Variants in TSPYL2 observed in about 807,000 individuals in gnomAD.
The protein encoded by TSPYL2 is testis-specific Y-encoded-like protein 2.
Under a neutral mutation model 33.0 loss-of-function variants are expected in TSPYL2, and 9 were observed. The observed-to-expected ratio is 0.27, with a 90% CI of 0.16 to 0.48. TSPYL2 has a LOEUF of 0.48. Ranked by LOEUF, TSPYL2 falls within the 20% of genes least tolerant of loss-of-function variation. The probability of loss-of-function intolerance (pLI) is 0.99; values close to 1 mark genes in which losing one functional copy is unlikely to be tolerated. For missense variants in TSPYL2, 636 were observed against 586.2 expected (o/e 1.08, Z -0.88); for synonymous variants, 330 against 233.6 (o/e 1.41, Z -3.77).
chrX:53,082,412 C>T lies in TSPYL2; in HGVS notation c.-87C>T. ...GCTGGTTGCGTGAGTCTCCTCAGCT[C>T]TGCTTACCGGTGCGACTAGCGGCAG... On this transcript the variant is annotated 5_prime_UTR_variant, in exon 1 of 7. Coordinates refer to ENST00000375442, the MANE Select transcript of TSPYL2 (RefSeq NM_022117.4). 3.1e-6 allele frequency: 3 copies of T among 959,905 alleles called. No individual in the cohort carries two copies. Among genetic ancestry groups the T allele is most frequent in the Non-Finnish European group, 4.1e-6 (3 of 724,994 alleles). 79.1% of individuals were successfully genotyped at this position (959,905 alleles called of 1,213,427 possible).
intron 1 of TSPYL2, among the ~76,000 whole-genome samples, chrX:53,084,319 T>C (rs1932703704): frequency 8.9e-6 from 1 of 112,133 alleles, no homozygotes; most frequent in African/African-American, 3.2e-5. Context: ...CAGTGACATA[T>C]ACCACATGCA....
At position 53,088,129 on chromosome X, in the gene TSPYL2, G is replaced by A. The variant is rs1290765103; in HGVS notation, c.*190G>A. 45 of 440,757 alleles carry A rather than the reference G, an allele frequency of 1.0e-4. No individual in the cohort carries two copies. Among genetic ancestry groups the A allele is most frequent in the Non-Finnish European group, 4.3e-5 (11 of 258,336 alleles). 36.3% of individuals were successfully genotyped at this position (440,757 alleles called of 1,213,427 possible). A position where few individuals can be genotyped will look rare whatever the true frequency, so the allele number is the denominator to read the frequency against. ...CTTATTTTGGGGGGAGGGAAAGGGG[G>A]CTAGTCCCCTTCTTTTGGCCCTCCG... On this transcript the variant is annotated 3_prime_UTR_variant, in exon 7 of 7. Coordinates refer to ENST00000375442, the MANE Select transcript of TSPYL2 (RefSeq NM_022117.4).
chrX:53,084,627 G>A lies in TSPYL2; in HGVS notation c.885+5G>A. On this transcript the variant is annotated splice_donor_5th_base_variant and intron_variant, in intron 2 of 6. Transcript: ENST00000375442. ...CGCTACTTGACCAATCTGCAGGTCA[G>A]GCCAGAGAGACATTTTTTAGTAGGA... 8.3e-7 allele frequency: 1 copy of A among 1,207,346 alleles called. No homozygotes were observed. Among genetic ancestry groups the A allele is most frequent in the Non-Finnish European group, 1.1e-6 (1 of 892,696 alleles).
chrX:53,087,500 G>GTATCA, intron 6 of TSPYL2: 1 of 352,232 alleles, frequency 2.8e-6, no homozygotes, highest in Non-Finnish European at 5.0e-6. Flanking sequence ...GGAGTACAAG[G>GTATCA]GGGAGAAAAA....
rs190372740 is a variant in TSPYL2, at chrX:53,088,159, C to G, written c.*220C>G. ...TCCCCTTCTTTTGGCCCTCCGCCCC[C>G]GCAGGCTTCTGTGTGCTGCTAACTG... On this transcript the variant is annotated 3_prime_UTR_variant, in exon 7 of 7. Transcript: ENST00000375442. The G allele has an allele frequency of 8.7e-5, 36 of 413,578 alleles. No homozygotes were observed. The Admixed American group carries it at 1.4e-3, about 16-fold the overall frequency. 34.1% of individuals were successfully genotyped at this position (413,578 alleles called of 1,213,427 possible). A position where few individuals can be genotyped will look rare whatever the true frequency, so the allele number is the denominator to read the frequency against.
At chrX:53,086,338 T>G in intron 6 of TSPYL2, 28 bp downstream of exon 6, 1 of 1,142,465 alleles carries the variant, frequency 8.8e-7, no homozygotes, top group Non-Finnish European at 1.2e-6. Context: ...CACCCTTGTC[T>G]TCCCTCTTTT....
chrX:53,084,692 G>A, intron 2 of TSPYL2, 63 bp from the exon 3 acceptor site: 4 of 1,180,548 alleles, frequency 3.4e-6, no homozygotes, highest in Non-Finnish European at 3.5e-6. Flanking sequence ...CGGGAGGTGG[G>A]TGGGAAGGGC....
Position 53,082,645 on chromosome X carries a change from G to T in TSPYL2, c.147G>T (p.Gln49His). The T allele has an allele frequency of 8.7e-7, 1 of 1,155,122 alleles. No homozygotes were observed. Residue 49 changes from glutamine to histidine, a missense_variant, in exon 1 of 7, where the codon CAG (glutamine) becomes CAT (histidine). Coordinates refer to ENST00000375442, the MANE Select transcript of TSPYL2 (RefSeq NM_022117.4). ...CACCCCAGCAGCGCCCGAGGCTCCAGGAGGAAACGGAGGCGGCACAGGTGC... is the reference window on the plus strand; with the variant it reads ...CACCCCAGCAGCGCCCGAGGCTCCATGAGGAAACGGAGGCGGCACAGGTGC... ...LPPPQQRPRL[Q>H]EETEAAQVLA...
In TSPYL2 at chrX:53,084,704, G is replaced by C. The variant is rs782194564; in HGVS notation, c.886-51G>C. 2.5e-6 allele frequency: 3 copies of C among 1,179,378 alleles called. No individual in the cohort carries two copies. In the Middle Eastern group the frequency reaches 7.0e-4, roughly 276 times the overall value. On this transcript the variant is annotated intron_variant, in intron 2 of 6. Transcript: ENST00000375442. ...TGACGGGAGGTGGGTGGGAAGGGCC[G>C]TGGTGTGTTGGGGGGGGGACAGATT...
At chrX:53,084,260 G>A (rs1173023226) in intron 1 of TSPYL2, among the ~76,000 whole-genome samples, 1 of 112,037 alleles carries the variant, frequency 8.9e-6, no homozygotes, top group Non-Finnish European at 1.9e-5. Flanking sequence ...CTTGGACATG[G>A]CCCTTAAGCC....
rs782169029 is a variant in TSPYL2, at chrX:53,083,008, C to T, written c.510C>T (p.Ile170=). 8 of 1,209,948 alleles carry T rather than the reference C, an allele frequency of 6.6e-6. No individual in the cohort carries two copies. In the Admixed American group the frequency reaches 1.7e-4, roughly 26 times the overall value. The change falls in exon 1 of 7, where the codon ATC becomes ATT. Residue 170 remains isoleucine (I), a synonymous_variant. Transcript: ENST00000375442. ...VDPKSKEEAI[I]IVEDEDEDER... ...CGAAGAGCAAGGAAGAGGCGATCAT[C>T]ATAGTGGAGGATGAGGATGAGGATG...
chrX:53,084,571 T>G lies in TSPYL2; in HGVS notation c.834T>G (p.Ile278Met). The G allele has an allele frequency of 8.5e-7, 1 of 1,177,081 alleles. No individual in the cohort carries two copies. The highest frequency in any genetic ancestry group is 1.1e-6 in the Non-Finnish European group (1 of 877,075). Residue 278 changes from isoleucine to methionine, a missense_variant, in exon 2 of 7, where the codon ATT becomes ATG. Ile to Met is a conservative substitution (Grantham distance 10). This residue lies in a region of TSPYL2 where 401 missense variants were observed against 363.0 expected (regional missense o/e 1.10). Coordinates refer to ENST00000375442, the MANE Select transcript of TSPYL2 (RefSeq NM_022117.4). ...KAFLNHPRIS[I>M]LINRRDEDIF... ...TCCTCAACCACCCCAGAATTTCAAT[T>G]TTGATCAACCGACGTGATGAAGACA... is the stretch of plus-strand genomic sequence containing the variant.
chrX:53,082,898 G>C lies in TSPYL2; in HGVS notation c.400G>C (p.Val134Leu). 2.5e-6 allele frequency: 3 copies of C among 1,211,242 alleles called. No individual in the cohort carries two copies. The highest frequency in any genetic ancestry group is 4.6e-4 in the Middle Eastern group (2 of 4,351). ...GGGGAGCCTGGAAATCGATTTTCAG[G>C]TTGTACAGTCGAGCAGTTTTGGTGG... ...SGGSLEIDFQVVQSSSFGGEG... is the reference protein window; with the variant it reads ...SGGSLEIDFQLVQSSSFGGEG... The change falls in exon 1 of 7, where the codon GTT (valine) becomes CTT (leucine). Residue 134 changes from valine to leucine, a missense_variant. By Grantham distance (32) the Val-to-Leu change is conservative (BLOSUM62 1). Around this residue, in one of 3 missense-constraint regions of TSPYL2, gnomAD observed 231 missense variants for 201.6 expected, o/e 1.15. Coordinates refer to ENST00000375442, the MANE Select transcript of TSPYL2 (RefSeq NM_022117.4).
At chrX:53,087,408 T>G (rs188869021) in intron 6 of TSPYL2, 85 of 148,893 alleles carry the variant, frequency 5.7e-4, no homozygotes, top group African/African-American at 2.6e-3. Flanking sequence ...TGGATCAGAC[T>G]GGGGGAGAAA....
chrX:53,088,092 C>G lies in TSPYL2; in HGVS notation c.*153C>G, dbSNP rs1932792336. On this transcript the variant is annotated 3_prime_UTR_variant, in exon 7 of 7. Transcript: ENST00000375442. Reference sequence around the variant, plus strand: ...TTAAAGTTTATTTTTATGGTTTAGTCATTGCAGAGTTCTTATTTTGGGGGG... The same window carrying G: ...TTAAAGTTTATTTTTATGGTTTAGTGATTGCAGAGTTCTTATTTTGGGGGG... The G allele has an allele frequency of 5.8e-6, 3 of 515,966 alleles. No individual in the cohort carries two copies. Among genetic ancestry groups the G allele is most frequent in the Non-Finnish European group, 9.4e-6 (3 of 318,761 alleles). The allele number at this position is 515,966 out of a possible 1,213,427, so 42.5% of individuals were successfully genotyped here. A position where few individuals can be genotyped will look rare whatever the true frequency, so the allele number is the denominator to read the frequency against.
rs1556807436 is a variant in TSPYL2, at chrX:53,083,049, G to A, written c.551G>A (p.Arg184Lys). The change falls in exon 1 of 7, where the codon AGG (arginine) becomes AAG (lysine). Residue 184 changes from arginine (R) to lysine (K), a missense_variant. Arg to Lys is a conservative substitution (Grantham distance 26). This residue lies in a region of TSPYL2 where 231 missense variants were observed against 201.6 expected (regional missense o/e 1.15). Coordinates refer to ENST00000375442, the MANE Select transcript of TSPYL2 (RefSeq NM_022117.4). ...GATGAGGATGAGCGGGAGAGTATGA[G>A]GAGCAGCAGGAGGCGGCGGCGGCGG... ...DEDEDERESM[R>K]SSRRRRRRRR... 1 of 1,204,699 alleles carries A rather than the reference G, an allele frequency of 8.3e-7. No homozygotes were observed. Among genetic ancestry groups the A allele is most frequent in the Admixed American group, 2.2e-5 (1 of 45,296 alleles).
At chrX:53,083,517 G>T (rs1932679486) in intron 1 of TSPYL2, among the ~76,000 whole-genome samples, 1 of 107,385 alleles carries the variant, frequency 9.3e-6, no homozygotes, top group Non-Finnish European at 1.9e-5. Flanking sequence ...GGGTGGTGGA[G>T]GGGGGGCGGA....
chrX:53,082,983 C>T lies in TSPYL2; in HGVS notation c.485C>T (p.Pro162Leu), dbSNP rs782653951. ...VGWAPQRLVD[P>L]KSKEEAIIIV... ...TGGGCGCCCCAGAGGTTAGTTGACC[C>T]GAAGAGCAAGGAAGAGGCGATCATC... The change falls in exon 1 of 7, where the codon CCG becomes CTG. Residue 162 changes from proline to leucine, a missense_variant. By Grantham distance (98) the Pro-to-Leu change is moderately conservative. This residue lies in a region of TSPYL2 where 231 missense variants were observed against 201.6 expected (regional missense o/e 1.15). Transcript: ENST00000375442. 2.5e-6 allele frequency: 3 copies of T among 1,210,404 alleles called. No individual in the cohort carries two copies. Among genetic ancestry groups the T allele is most frequent in the Non-Finnish European group, 2.2e-6 (2 of 895,101 alleles).
At chrX:53,086,375 G>T (rs782077365) in intron 6 of TSPYL2, 65 bp downstream of exon 6, 2 of 1,076,180 alleles carry the variant, frequency 1.9e-6, no homozygotes, top group East Asian at 6.0e-5. Flanking sequence ...CCTGGCCAAG[G>T]ACAGGGTATC....
Sources: allele counts gnomAD v4.1 joint callset (sites outside exome capture counted in the v4.1 genomes callset), GRCh38; gene constraint gnomAD v4.1.1; regional missense constraint gnomAD v4.1.1; transcripts MANE v1.5; gene names NCBI Gene and HGNC (gene_info 2026-07-23, HGNC 2026-07-21).